LIF: variants seen among roughly 807,000 people sequenced by gnomAD.
The protein encoded by LIF is LIF interleukin 6 family cytokine.
A neutral mutation model predicts 15.0 loss-of-function variants in LIF; 9 were observed. That is an observed-to-expected ratio of 0.60 (90% confidence interval 0.36 to 1.04). The LOEUF is 1.04. LIF is among the 50% of genes least tolerant of loss of function. The pLI, the probability that LIF is intolerant of heterozygous loss-of-function variation, is 0.01. For missense variants in LIF, 240 were observed against 266.7 expected (o/e 0.90, Z 0.70); for synonymous variants, 122 against 119.7 (o/e 1.02, Z -0.13).
Position 30,242,553 on chromosome 22 carries a change from C to G in LIF, c.*1098G>C, listed in dbSNP as rs1350270247. On this transcript the variant is annotated 3_prime_UTR_variant, in exon 3 of 3. Transcript: ENST00000249075. ...GGAATTAACTTGGCCACTGAAAGCA[C>G]CAATAAGTTAATATAAATAGGATAT... 6.6e-6 allele frequency: 1 copy of G among 152,632 alleles called. No homozygotes were observed. The highest frequency in any genetic ancestry group is 2.4e-5 in the African/African-American group (1 of 41,370). 9.5% of individuals were successfully genotyped at this position (152,632 alleles called of 1,614,324 possible).
chr22:30,245,939 C>G (rs1928870527), intron 1 of LIF, among the ~76,000 whole-genome samples: 1 of 152,208 alleles, frequency 6.6e-6, no homozygotes, highest in African/African-American at 2.4e-5. Flanking sequence ...CCCAGGCCCC[C>G]TTAGACGCTT....
At chr22:30,245,044 T>C (rs111330617) in intron 1 of LIF, 111 bp from the exon 2 acceptor site, 1 of 997,468 alleles carries the variant, frequency 1.0e-6, no homozygotes, top group Non-Finnish European at 1.5e-6. Flanking sequence ...GGACTCCTGG[T>C]TCCCCCTCAC....
At chr22:30,244,437 A>G (rs564303310) in intron 2 of LIF, among the ~76,000 whole-genome samples, 2 of 151,888 alleles carry the variant, frequency 1.3e-5, no homozygotes, top group East Asian at 3.9e-4. Context: ...CTGCCTCTCA[A>G]CCGCATCTCC....
rs367635609 is a variant in LIF, at chr22:30,243,938, T to C, written c.322A>G (p.Ile108Val). The change falls in exon 3 of 3, where the codon ATA becomes GTA. Residue 108 changes from isoleucine (I) to valine (V), a missense_variant. Coordinates refer to ENST00000249075, the MANE Select transcript of LIF (RefSeq NM_002309.5). This position sits in a 1 kb window ranked among gnomAD's most constrained non-coding sequence, Gnocchi z 6.0. ...AGGGAGGTGCCAAGGTACACGACTATGCGGTACAGCTCCACCAGCTTGGCC... is the reference window on the plus strand; with the variant it reads ...AGGGAGGTGCCAAGGTACACGACTACGCGGTACAGCTCCACCAGCTTGGCC... ...EKAKLVELYR[I>V]VVYLGTSLGN... 6.2e-6 allele frequency: 10 copies of C among 1,614,200 alleles called. No individual in the cohort carries two copies. The highest frequency in any genetic ancestry group is 2.2e-5 in the East Asian group (1 of 44,884).
Position 30,243,825 on chromosome 22 carries a change from T to TA in LIF, c.434_435insT (p.Gly146ArgfsTer4). ...GGCACAGCACGTTGCTAAGGAGGCC[T>TA]CGCAGGATGTCGGCGGTGGCGTTGA... On this transcript the variant is annotated frameshift_variant, in exon 3 of 3. Coordinates refer to ENST00000249075, the MANE Select transcript of LIF (RefSeq NM_002309.5). LOFTEE classifies it high-confidence loss of function. The surrounding 1 kb of genome is among the most constrained non-coding windows in gnomAD (Gnocchi z 6.0). The TA allele has an allele frequency of 6.2e-7, 1 of 1,614,244 alleles. No individual in the cohort carries two copies. Among genetic ancestry groups the TA allele is most frequent in the Non-Finnish European group, 8.5e-7 (1 of 1,180,044 alleles).
chr22:30,245,351 G>A (rs774085282), intron 1 of LIF, among the ~76,000 whole-genome samples: 7 of 152,162 alleles, frequency 4.6e-5, no homozygotes, highest in African/African-American at 9.7e-5. Flanking sequence ...CCCACCTCCC[G>A]TGGTGGCCCA....
In LIF at chr22:30,241,931, G is replaced by C. The variant is rs1928685062; in HGVS notation, c.*1720C>G. On this transcript the variant is annotated 3_prime_UTR_variant, in exon 3 of 3. Coordinates refer to ENST00000249075, the MANE Select transcript of LIF (RefSeq NM_002309.5). This position sits in a 1 kb window ranked among gnomAD's most constrained non-coding sequence, Gnocchi z 4.4. ...CCCTCTCCTCCTCTTGGGAGCAATG[G>C]GCAGCTGATCCCCCCAGTCTACCCC... 6.5e-6 allele frequency: 1 copy of C among 152,834 alleles called. No individual in the cohort carries two copies. The highest frequency in any genetic ancestry group is 1.5e-5 in the Non-Finnish European group (1 of 68,242). The allele number at this position is 152,834 out of a possible 1,614,324, so 9.5% of individuals were successfully genotyped here. A position where few individuals can be genotyped will look rare whatever the true frequency, so the allele number is the denominator to read the frequency against.
At chr22:30,244,411 C>T (rs1379553775) in intron 2 of LIF, among the ~76,000 whole-genome samples, 1 of 152,056 alleles carries the variant, frequency 6.6e-6, no homozygotes. Flanking sequence ...CCTCCATGCC[C>T]AGCACCCACA....
intron 1 of LIF, among the ~76,000 whole-genome samples, chr22:30,245,903 C>A (rs903542496): frequency 6.6e-6 from 1 of 152,186 alleles, no homozygotes; most frequent in African/African-American, 2.4e-5. Flanking sequence ...GCCCCTCCCC[C>A]AGGGGGGCCT....
intron 2 of LIF, among the ~76,000 whole-genome samples, chr22:30,244,553 C>G (rs1194245263): frequency 6.6e-6 from 1 of 152,148 alleles, no homozygotes; most frequent in Non-Finnish European, 1.5e-5. Context: ...TCTCCCCTTG[C>G]TAACTGGGCA....
intron 2 of LIF, 57 bp downstream of exon 2, chr22:30,244,698 T>G: frequency 2.1e-5 from 32 of 1,516,750 alleles, no homozygotes; most frequent in Middle Eastern, 1.7e-4. Context: ...CAGCCCCTAA[T>G]GATATTTACA....
Position 30,243,467 on chromosome 22 carries a change from T to C in LIF, c.*184A>G, listed in dbSNP as rs377221180. ...GCTCCCTCCCTATGGAAGTTTCCACTCTGCTCAGCTTCATCACAGCCCAGC... is the reference window on the plus strand; with the variant it reads ...GCTCCCTCCCTATGGAAGTTTCCACCCTGCTCAGCTTCATCACAGCCCAGC... On this transcript the variant is annotated 3_prime_UTR_variant, in exon 3 of 3. Coordinates refer to ENST00000249075, the MANE Select transcript of LIF (RefSeq NM_002309.5). This position sits in a 1 kb window ranked among gnomAD's most constrained non-coding sequence, Gnocchi z 6.0. The C allele has an allele frequency of 1.5e-5, 10 of 680,040 alleles. No individual in the cohort carries two copies. The highest frequency in any genetic ancestry group is 1.1e-4 in the African/African-American group (6 of 55,678). 42.1% of individuals were successfully genotyped at this position (680,040 alleles called of 1,614,324 possible).
intron 2 of LIF, 118 bp downstream of exon 2, chr22:30,244,637 T>C (rs1010178413): frequency 1.0e-6 from 1 of 978,340 alleles, no homozygotes; most frequent in African/African-American, 1.6e-5. Flanking sequence ...TCAAGCCCTC[T>C]CCCCATTCTC....
intron 1 of LIF, 66 bp downstream of exon 1, chr22:30,246,611 G>A: frequency 6.5e-7 from 1 of 1,531,652 alleles, no homozygotes; most frequent in South Asian, 1.2e-5. Context: ...GCGCTGCCAA[G>A]CGCCCCAAGT....
rs765125614 is a variant in LIF at position 30,243,785 on chromosome 22, A to G, written c.475T>C (p.Tyr159His). The change falls in exon 3 of 3, where the codon TAC becomes CAC. Residue 159 changes from tyrosine to histidine, a missense_variant. Coordinates refer to ENST00000249075, the MANE Select transcript of LIF (RefSeq NM_002309.5). This position sits in a 1 kb window ranked among gnomAD's most constrained non-coding sequence, Gnocchi z 6.0. ...GTCACGTCCACATGGCCCACGTGGT[A>G]CTTGCTGCACAGGCGGCACAGCACG... ...SNVLCRLCSK[Y>H]HVGHVDVTYG... 43 of 1,614,216 alleles carry G rather than the reference A, an allele frequency of 2.7e-5. No homozygotes were observed. The Middle Eastern group carries it at 4.9e-4, about 19-fold the overall frequency.
At chr22:30,245,034 G>T in intron 1 of LIF, 101 bp from the exon 2 acceptor site, 1 of 1,141,414 alleles carries the variant, frequency 8.8e-7, no homozygotes, top group South Asian at 1.3e-5. Flanking sequence ...GCATGGGAGA[G>T]GACTCCTGGT....
At position 30,243,544 on chromosome 22, in the gene LIF, A is replaced by G. The variant is rs896115542; in HGVS notation, c.*107T>C. ...CCCTCGGGGTCTGCCAGCAGCCCCC[A>G]TTTGGGTTTAGCGATGCCCTGGGCC... is the stretch of plus-strand genomic sequence containing the variant. On this transcript the variant is annotated 3_prime_UTR_variant, in exon 3 of 3. Coordinates refer to ENST00000249075, the MANE Select transcript of LIF (RefSeq NM_002309.5). The surrounding 1 kb of genome is among the most constrained non-coding windows in gnomAD (Gnocchi z 6.0). The G allele has an allele frequency of 4.9e-6, 7 of 1,427,612 alleles. No individual in the cohort carries two copies. In the African/African-American group the frequency reaches 9.8e-5, roughly 20 times the overall value. The allele number at this position is 1,427,612 out of a possible 1,614,324, so 88.4% of individuals were successfully genotyped here. A position where few individuals can be genotyped will look rare whatever the true frequency, so the allele number is the denominator to read the frequency against.
rs1928914051 is a variant in LIF, at chr22:30,246,698, T to C, written c.-3A>G. ...TTACCTGCCGCCAAGACCTTCATTA[T>C]GGGCTGCACTTCAGAGGGCCTTGGA... On this transcript the variant is annotated 5_prime_UTR_variant, in exon 1 of 3. Transcript: ENST00000249075. The C allele has an allele frequency of 3.9e-6, 6 of 1,555,974 alleles. No homozygotes were observed. Among genetic ancestry groups the C allele is most frequent in the Non-Finnish European group, 5.2e-6 (6 of 1,148,712 alleles).
Position 30,243,611 on chromosome 22 carries a change from C to T in LIF, c.*40G>A. 6.2e-7 allele frequency: 1 copy of T among 1,613,774 alleles called. No individual in the cohort carries two copies. Among genetic ancestry groups the T allele is most frequent in the Non-Finnish European group, 8.5e-7 (1 of 1,179,964 alleles). ...AGGCCCCCACATCTGGACCCAACTC[C>T]TGAGATCCCTCGGTTCACAGCACAC... is the stretch of plus-strand genomic sequence containing the variant. On this transcript the variant is annotated 3_prime_UTR_variant, in exon 3 of 3. Transcript: ENST00000249075. The surrounding 1 kb of genome is among the most constrained non-coding windows in gnomAD (Gnocchi z 6.0).
Sources: allele counts gnomAD v4.1 joint callset (sites outside exome capture counted in the v4.1 genomes callset), GRCh38; gene constraint gnomAD v4.1.1; non-coding constraint Gnocchi (gnomAD v3.1); transcripts MANE v1.5; gene names NCBI Gene and HGNC (gene_info 2026-07-23, HGNC 2026-07-21).